PHF14: variants seen among roughly 807,000 people sequenced by gnomAD.
The protein encoded by PHF14 is PHD finger protein 14.
Under a neutral mutation model 117.9 loss-of-function variants are expected in PHF14, and 55 were observed. That is an observed-to-expected ratio of 0.47 (90% confidence interval 0.38 to 0.58). The LOEUF is 0.58. Ranked by LOEUF, PHF14 falls within the 20% of genes least tolerant of loss-of-function variation. PHF14 has a pLI of 0.00. For missense variants in PHF14, 978 were observed against 1,122.2 expected (o/e 0.87, Z 1.84); for synonymous variants, 409 against 368.6 (o/e 1.11, Z -1.26).
chr7:10,987,940 C>T (rs1782281363), intron 3 of PHF14, among the ~76,000 whole-genome samples: 4 of 143,306 alleles, frequency 2.8e-5, no homozygotes, highest in Admixed American at 7.3e-5. Context: ...CGCTTGAACC[C>T]GGGAGGTGGA....
At chr7:10,997,283 A>G (rs1270498347) in intron 4 of PHF14, among the ~76,000 whole-genome samples, 3 of 152,216 alleles carry the variant, frequency 2.0e-5, no homozygotes, top group Non-Finnish European at 4.4e-5. Flanking sequence ...GTCATTGGCC[A>G]TCTTGACCTG....
chr7:11,136,789 T>A (rs2128349891), intron 17 of PHF14, among the ~76,000 whole-genome samples: 1 of 152,310 alleles, frequency 6.6e-6, no homozygotes, highest in African/African-American at 2.4e-5. Context: ...AAAAGACTTG[T>A]CTAGATATTT....
intron 3 of PHF14, among the ~76,000 whole-genome samples, chr7:10,985,647 T>TTG (rs1311080967): frequency 1.6e-5 from 2 of 123,886 alleles, no homozygotes; most frequent in Admixed American, 8.2e-5. Flanking sequence ...TGTTTTTTTT[T>TTG]TTTTTTTTTT....
At chr7:11,004,601 T>C (rs1278302482) in intron 4 of PHF14, among the ~76,000 whole-genome samples, 1 of 152,140 alleles carries the variant, frequency 6.6e-6, no homozygotes, top group Non-Finnish European at 1.5e-5. Context: ...TGAAGAATCT[T>C]AGTTTTTATA....
chr7:11,166,407 A>T (rs1789203246), intron 17 of PHF14, among the ~76,000 whole-genome samples: 1 of 151,882 alleles, frequency 6.6e-6, no homozygotes, highest in South Asian at 2.1e-4. Context: ...ATGCTTTGGT[A>T]AAAAGCTTCC....
At position 11,040,674 on chromosome 7, in the gene PHF14, G is replaced by A; in HGVS notation, c.2079G>A (p.Lys693=). The change falls in exon 12 of 18, where the codon AAG becomes AAA. Residue 693 remains lysine (K), a splice_region_variant and synonymous_variant. Transcript: ENST00000634607. ...ACTACATTTGTTCAAATCAATAGAA[G>A]TTGAATATACCGGCAATTTTGCGAG... ...WALLGRITGQ[K]LNIPAILRAP... The A allele has an allele frequency of 6.5e-7, 1 of 1,526,744 alleles. No homozygotes were observed. Among genetic ancestry groups the A allele is most frequent in the Non-Finnish European group, 8.9e-7 (1 of 1,128,278 alleles). The allele number at this position is 1,526,744 out of a possible 1,614,324, so 94.6% of individuals were successfully genotyped here. A position where few individuals can be genotyped will look rare whatever the true frequency, so the allele number is the denominator to read the frequency against.
intron 3 of PHF14, among the ~76,000 whole-genome samples, chr7:10,984,931 T>G (rs1223982994): frequency 6.6e-6 from 1 of 152,116 alleles, no homozygotes; most frequent in Admixed American, 6.5e-5. Context: ...TCCAAAGTGC[T>G]TCTTCGAAAA....
At chr7:11,068,073 G>T (rs139279947) in intron 16 of PHF14, among the ~76,000 whole-genome samples, 7 of 152,200 alleles carry the variant, frequency 4.6e-5, no homozygotes, top group East Asian at 3.9e-4. Context: ...ATTCTGGGCC[G>T]GGTGCGGTGG....
chr7:10,989,463 G>A (rs1331855624), intron 3 of PHF14, among the ~76,000 whole-genome samples: 2 of 151,990 alleles, frequency 1.3e-5, no homozygotes, highest in East Asian at 1.9e-4. Context: ...ATGGACCCAA[G>A]TGCCATCTTT....
intron 17 of PHF14, among the ~76,000 whole-genome samples, chr7:11,164,773 C>T (rs1202353926): frequency 6.6e-6 from 1 of 152,176 alleles, no homozygotes; most frequent in African/African-American, 2.4e-5. Context: ...CTTTGAGAGG[C>T]TGCTACTACT....
chr7:11,109,463 G>A (rs556611692), intron 16 of PHF14: 4 of 148,688 alleles, frequency 2.7e-5, no homozygotes, highest in South Asian at 4.2e-4. Flanking sequence ...TTTAAATTTC[G>A]CATCAAAGAT....
intron 4 of PHF14, among the ~76,000 whole-genome samples, chr7:11,002,460 C>T (rs1019138140): frequency 2.7e-4 from 15 of 55,928 alleles, no homozygotes; most frequent in South Asian, 7.7e-4. Flanking sequence ...ATTTTTGAGA[C>T]GGAGTTTTGC....
At position 11,130,709 on chromosome 7, in the gene PHF14, A is replaced by AT. The variant is rs1788069963; in HGVS notation, c.2772+19248dup. Among the ~76,000 whole-genome samples the AT allele has an allele frequency of 6.6e-6, 1 of 151,874 alleles. No individual in the cohort carries two copies. Among genetic ancestry groups the AT allele is most frequent in the African/African-American group, 2.4e-5 (1 of 41,382 alleles). The stretch of plus-strand genomic sequence containing the variant: ...AAGTTTGTTGTTTACATTATAACTT[A>AT]TTTTTTGTGTGGTACATTCTGTGGG... On this transcript the variant is annotated intron_variant, in intron 17 of 17. Transcript: ENST00000634607. This position sits in a 1 kb window ranked among gnomAD's most constrained non-coding sequence, Gnocchi z 4.2.
chr7:11,069,278 G>C (rs1785528014), intron 16 of PHF14, among the ~76,000 whole-genome samples: 1 of 152,080 alleles, frequency 6.6e-6, no homozygotes, highest in Non-Finnish European at 1.5e-5. Context: ...ACTGCTAAAG[G>C]ATTCCCAAAC....
At chr7:11,159,932 A>C (rs56071938) in intron 17 of PHF14, among the ~76,000 whole-genome samples, 2,825 of 152,270 alleles carry the variant, frequency 0.019, 35 homozygotes, top group Middle Eastern at 0.048. Flanking sequence ...CTTTTATTTT[A>C]GATTCAAGAG....
At chr7:11,004,799 G>T (rs1052780700) in intron 4 of PHF14, among the ~76,000 whole-genome samples, 5 of 151,994 alleles carry the variant, frequency 3.3e-5, no homozygotes, top group African/African-American at 1.2e-4. Flanking sequence ...ACTTTGGGAG[G>T]CCGAGGTGGG....
chr7:10,975,025 T>A, intron 2 of PHF14, 80 bp downstream of exon 2: 1 of 746,964 alleles, frequency 1.3e-6, no homozygotes. Flanking sequence ...TCGGTTTTGA[T>A]TAAAATGCCA....
chr7:11,021,139 A>G (rs1783720791), intron 5 of PHF14, among the ~76,000 whole-genome samples: 2 of 152,248 alleles, frequency 1.3e-5, no homozygotes, highest in South Asian at 4.1e-4. Flanking sequence ...TTATTAAAAT[A>G]TATGAATTTA....
intron 17 of PHF14, among the ~76,000 whole-genome samples, chr7:11,115,371 C>A (rs1044977827): frequency 6.6e-6 from 1 of 151,964 alleles, no homozygotes; most frequent in South Asian, 2.1e-4. Flanking sequence ...TAAATTAATT[C>A]TATATAACAT....
Sources: allele counts gnomAD v4.1 joint callset (sites outside exome capture counted in the v4.1 genomes callset), GRCh38; gene constraint gnomAD v4.1.1; non-coding constraint Gnocchi (gnomAD v3.1); transcripts MANE v1.5; gene names NCBI Gene and HGNC (gene_info 2026-07-23, HGNC 2026-07-21).